FUT8: variants seen among roughly 807,000 people sequenced by gnomAD.
FUT8 encodes fucosyltransferase 8, also known as alpha-(1,6)-fucosyltransferase.
Under a neutral mutation model 71.3 loss-of-function variants are expected in FUT8, and 29 were observed. The observed-to-expected ratio is 0.41, with a 90% CI of 0.30 to 0.55. The LOEUF is 0.55. Among genes scored for constraint, FUT8 ranks in the 20% least tolerant of loss-of-function variants. The pLI, the probability that FUT8 is intolerant of heterozygous loss-of-function variation, is 0.34. For synonymous variants in FUT8, 254 were observed against 239.3 expected, an observed-to-expected ratio of 1.06 and a Z score of -0.57; for missense variants, 544 against 702.1, an observed-to-expected ratio of 0.77 and a Z score of 2.55.
chr14:65,734,396 T>A (rs1045369859), intron 10 of FUT8, among the ~76,000 whole-genome samples: 2 of 152,168 alleles, frequency 1.3e-5, no homozygotes, highest in Non-Finnish European at 2.9e-5. Flanking sequence ...GATGGCGATA[T>A]GATTTTTGGA....
Position 65,655,699 on chromosome 14 carries a change from T to C in FUT8, c.598-13544T>C, listed in dbSNP as rs982642311. Among the ~76,000 whole-genome samples the C allele has an allele frequency of 3.3e-5, 5 of 152,184 alleles. No homozygotes were observed. In the East Asian group the frequency reaches 5.8e-4, roughly 18 times the overall value. On this transcript the variant is annotated intron_variant, in intron 6 of 10. Transcript: ENST00000673929. ...AACAGACAAATATAGTTGGAGACTT[T>C]AATATCCCTCTTTCAATAATTGATG...
At chr14:65,534,549 C>CTT (rs71126760) in intron 2 of FUT8, among the ~76,000 whole-genome samples, 151 of 122,234 alleles carry the variant, frequency 1.2e-3, no homozygotes, top group Admixed American at 2.4e-3. Flanking sequence ...GGCTGTTTTT[C>CTT]TTTTTTTTTT....
chr14:65,366,823 A>G, the FUT8 span, among the ~76,000 whole-genome samples: 1 of 152,182 alleles, frequency 6.6e-6, no homozygotes, highest in Non-Finnish European at 1.5e-5. Flanking sequence ...TTAAAATGTA[A>G]TACCCTCAGG....
rs553221357 is a variant in FUT8, at chr14:65,550,754, G to C, written c.-227-10583G>C. 1.3e-5 allele frequency among the ~76,000 whole-genome samples: 2 copies of C among 152,206 alleles called. No homozygotes were observed. Among genetic ancestry groups the C allele is most frequent in the East Asian group, 3.9e-4 (2 of 5,182 alleles). ...ATTGTCATTTCTGTTTTCTGGATCT[G>C]TTTAAATGGACTAATTTTCTCCTGG... On this transcript the variant is annotated intron_variant, in intron 2 of 10. Coordinates refer to ENST00000673929, the MANE Select transcript of FUT8 (RefSeq NM_001371533.1). The surrounding 1 kb of genome is among the most constrained non-coding windows in gnomAD (Gnocchi z 4.5).
At chr14:65,493,177 G>T (rs2066508474) in intron 2 of FUT8, among the ~76,000 whole-genome samples, 1 of 152,110 alleles carries the variant, frequency 6.6e-6, no homozygotes, top group African/African-American at 2.4e-5. Context: ...CCTTTCCAGG[G>T]CATAGAGGAT....
chr14:65,588,938 C>T (rs978542361), intron 3 of FUT8, among the ~76,000 whole-genome samples: 7 of 152,122 alleles, frequency 4.6e-5, no homozygotes, highest in Non-Finnish European at 8.8e-5. Flanking sequence ...GGAACAGTAT[C>T]CCCACAAATA....
At chr14:65,502,759 T>A (rs1314295590) in intron 2 of FUT8, among the ~76,000 whole-genome samples, 2 of 152,240 alleles carry the variant, frequency 1.3e-5, no homozygotes, top group Admixed American at 1.3e-4. Context: ...GAAAAGATTA[T>A]GCCTTTTTTA....
At chr14:65,374,082 A>C in the FUT8 span, among the ~76,000 whole-genome samples, 3 of 152,190 alleles carry the variant, frequency 2.0e-5, no homozygotes, top group Non-Finnish European at 2.9e-5. Flanking sequence ...TGGGATTCTC[A>C]GACTCGTTGA....
intron 5 of FUT8, among the ~76,000 whole-genome samples, chr14:65,623,291 T>A (rs2268955): frequency 0.55 from 83,512 of 152,054 alleles, 23,300 homozygotes; most frequent in East Asian, 0.68. Flanking sequence ...CTTTTTTTTT[T>A]AATAGTTTTA....
chr14:65,691,536 T>C (rs1893590559), intron 7 of FUT8, among the ~76,000 whole-genome samples: 1 of 152,220 alleles, frequency 6.6e-6, no homozygotes, highest in Non-Finnish European at 1.5e-5. Flanking sequence ...TGATTGATTT[T>C]TCGATGATGA....
At chr14:65,380,207 G>A in the FUT8 span, among the ~76,000 whole-genome samples, 1 of 152,184 alleles carries the variant, frequency 6.6e-6, no homozygotes, top group Non-Finnish European at 1.5e-5. Context: ...TTACATGGCA[G>A]TGGCAAGAGA....
At chr14:65,378,168 C>A in the FUT8 span, among the ~76,000 whole-genome samples, 1,077 of 152,146 alleles carry the variant, frequency 7.1e-3, 11 homozygotes, top group African/African-American at 0.025. Flanking sequence ...ATGAAAGAGT[C>A]TATATAAAAT....
At chr14:65,534,557 T>C (rs1884167060) in intron 2 of FUT8, among the ~76,000 whole-genome samples, 1 of 150,438 alleles carries the variant, frequency 6.6e-6, no homozygotes, top group African/African-American at 2.4e-5. Flanking sequence ...TTCTTTTTTT[T>C]TTTTTTTTGG....
intron 2 of FUT8, among the ~76,000 whole-genome samples, chr14:65,508,067 C>CT (rs71446303): frequency 0.019 from 2,404 of 125,970 alleles, 58 homozygotes; most frequent in African/African-American, 0.049. Context: ...ATGTTAAACA[C>CT]TTTTTTTTTT....
At chr14:65,697,556 G>C (rs1460892031) in intron 7 of FUT8, among the ~76,000 whole-genome samples, 1 of 152,130 alleles carries the variant, frequency 6.6e-6, no homozygotes, top group African/African-American at 2.4e-5. Context: ...AGTATGAATT[G>C]AGCTAAAACG....
chr14:65,419,087 G>C (rs770129385), intron 1 of FUT8, among the ~76,000 whole-genome samples: 1 of 152,004 alleles, frequency 6.6e-6, no homozygotes, highest in Non-Finnish European at 1.5e-5. Context: ...AATTAGTCGG[G>C]CATGGTGGCA....
rs532594586 is a variant in FUT8, at chr14:65,598,746, T to C, written c.204-17232T>C. The stretch of plus-strand genomic sequence containing the variant: ...AAATATTATTGGAAGATATATTTTA[T>C]TTAGAAGTTAAGTAAAAATTTACAA... On this transcript the variant is annotated intron_variant, in intron 3 of 10. Coordinates refer to ENST00000673929, the MANE Select transcript of FUT8 (RefSeq NM_001371533.1). 2.0e-5 allele frequency among the ~76,000 whole-genome samples: 3 copies of C among 152,318 alleles called. No individual in the cohort carries two copies. The East Asian group carries it at 5.8e-4, about 29-fold the overall frequency.
intron 2 of FUT8, among the ~76,000 whole-genome samples, chr14:65,520,566 C>T (rs1883012877): frequency 6.6e-6 from 1 of 152,000 alleles, no homozygotes. Context: ...CCATTCTATA[C>T]ATAGTTTGCT....
intron 2 of FUT8, chr14:65,516,343 G>A (rs1433173240): frequency 2.0e-5 from 3 of 152,156 alleles, no homozygotes; most frequent in Non-Finnish European, 4.4e-5. Context: ...TCAAAACTTA[G>A]TTGAAAATCA....
Sources: gnomAD v4.1 joint callset for allele counts (sites outside exome capture counted in the v4.1 genomes callset) on GRCh38, gnomAD v4.1.1 for gene constraint, Gnocchi (gnomAD v3.1) non-coding constraint, MANE v1.5 for transcripts, NCBI Gene and HGNC (gene_info 2026-07-23, HGNC 2026-07-21) for gene names.